Variants in CCDC178 observed in about 807,000 individuals in gnomAD.
The protein encoded by CCDC178 is coiled-coil domain-containing protein 178.
CCDC178 carries 126 observed loss-of-function variants against 117.4 expected under a neutral mutation model. The ratio of observed to expected loss-of-function variants is 1.07; its 90% confidence interval spans 0.93 to 1.24. The LOEUF is 1.24. CCDC178 is among the 50% of genes most tolerant of loss of function. The probability of loss-of-function intolerance (pLI) is 0.00; values close to 1 mark genes in which losing one functional copy is unlikely to be tolerated. For missense variants in CCDC178, 1,030 were observed against 986.9 expected (o/e 1.04, Z -0.59); for synonymous variants, 283 against 313.4 (o/e 0.90, Z 1.02).
intron 12 of CCDC178, among the ~76,000 whole-genome samples, chr18:33,281,426 T>C (rs912170116): frequency 3.9e-5 from 6 of 152,112 alleles, no homozygotes; most frequent in African/African-American, 1.4e-4. Flanking sequence ...CACTAAGAGT[T>C]ATTATGTAGT....
intron 3 of CCDC178, among the ~76,000 whole-genome samples, chr18:33,410,438 A>T (rs2063834409): frequency 6.6e-6 from 1 of 152,188 alleles, no homozygotes; most frequent in South Asian, 2.1e-4. Context: ...CTATAAATGA[A>T]AATGAAATAA....
chr18:33,241,986 CT>C (rs377626508), intron 15 of CCDC178, among the ~76,000 whole-genome samples: 58 of 151,904 alleles, frequency 3.8e-4, no homozygotes, highest in African/African-American at 1.4e-3. Flanking sequence ...AAGATCAAAG[CT>C]GTAGACATTA....
chr18:33,270,865 T>C (rs1437501371), intron 12 of CCDC178, among the ~76,000 whole-genome samples: 2 of 151,590 alleles, frequency 1.3e-5, no homozygotes, highest in Admixed American at 1.3e-4. Context: ...CTCTTCTTCA[T>C]TGCCTAATTT....
At chr18:33,105,656 G>T (rs2057695867) in intron 20 of CCDC178, among the ~76,000 whole-genome samples, 1 of 151,556 alleles carries the variant, frequency 6.6e-6, no homozygotes, top group African/African-American at 2.4e-5. Context: ...TAAAAACACA[G>T]AAATTTATCT....
At chr18:33,407,109 G>A (rs2063792090) in intron 3 of CCDC178, among the ~76,000 whole-genome samples, 1 of 152,080 alleles carries the variant, frequency 6.6e-6, no homozygotes, top group African/African-American at 2.4e-5. Context: ...CTTTAATCTG[G>A]AGCAGAGTAC....
chr18:32,983,342 A>G, intron 21 of CCDC178: 1 of 1,525,554 alleles, frequency 6.6e-7, no homozygotes. Context: ...CTTAGGTAAG[A>G]AGCCTGCAAC....
intron 19 of CCDC178, among the ~76,000 whole-genome samples, chr18:33,213,431 G>T (rs1287890458): frequency 6.6e-6 from 1 of 151,752 alleles, no homozygotes; most frequent in Non-Finnish European, 1.5e-5. Context: ...AAATTATTAA[G>T]TGATGTCTGA....
At chr18:33,369,900 C>A in intron 6 of CCDC178, 150 bp downstream of exon 6, 3 of 585,308 alleles carry the variant, frequency 5.1e-6, no homozygotes, top group Non-Finnish European at 8.3e-6. Context: ...CATGTCTAGA[C>A]TAGTAAATGA....
At chr18:33,410,311 TTG>T (rs980448539) in intron 3 of CCDC178, among the ~76,000 whole-genome samples, 1 of 152,202 alleles carries the variant, frequency 6.6e-6, no homozygotes, top group Non-Finnish European at 1.5e-5. Flanking sequence ...TCATTCCAAA[TTG>T]TGTTTTTGGG....
At chr18:33,144,621 C>T (rs2058248389) in intron 20 of CCDC178, among the ~76,000 whole-genome samples, 5 of 151,540 alleles carry the variant, frequency 3.3e-5, no homozygotes, top group Non-Finnish European at 5.9e-5. Flanking sequence ...TCATAATCTC[C>T]GTTCCTTATG....
At chr18:33,045,934 G>A (rs117568482) in intron 21 of CCDC178, among the ~76,000 whole-genome samples, 1,966 of 152,146 alleles carry the variant, frequency 0.013, 13 homozygotes, top group Admixed American at 0.021. Flanking sequence ...CAGGTGTGGT[G>A]GCACCCACCT....
chr18:33,042,461 G>A (rs1379574165), intron 21 of CCDC178, among the ~76,000 whole-genome samples: 1 of 151,874 alleles, frequency 6.6e-6, no homozygotes, highest in African/African-American at 2.4e-5. Context: ...AAAAGTCAAT[G>A]TATGTACATA....
At chr18:33,017,613 C>T (rs2056018773) in intron 21 of CCDC178, among the ~76,000 whole-genome samples, 1 of 151,832 alleles carries the variant, frequency 6.6e-6, no homozygotes, top group African/African-American at 2.4e-5. Context: ...TGTGGAAATA[C>T]AAAGGATTCA....
intron 2 of CCDC178, among the ~76,000 whole-genome samples, chr18:33,433,139 T>A (rs2064243872): frequency 6.6e-6 from 1 of 152,034 alleles, no homozygotes; most frequent in African/African-American, 2.4e-5. Flanking sequence ...GAGTATTGAG[T>A]TTTCCCACAG....
intron 9 of CCDC178, among the ~76,000 whole-genome samples, chr18:33,335,165 T>C (rs1186429858): frequency 6.6e-6 from 1 of 151,832 alleles, no homozygotes; most frequent in East Asian, 1.9e-4. Context: ...TCCTTCTTTC[T>C]TTGTATTTAT....
rs71159804 is a variant in CCDC178 at position 33,179,078 on chromosome 18, A to AAATATATAT, written c.2238+32817_2238+32818insATATATATT. ...ACTCAGTAAAAAAAAAAAAAAAAAA[A>AAATATATAT]ATATATATATATATATATATATATA... On this transcript the variant is annotated intron_variant, in intron 20 of 22. Transcript: ENST00000383096. 6.3e-4 allele frequency among the ~76,000 whole-genome samples: 35 copies of AAATATATAT among 55,818 alleles called. 1 individual carries two copies. Among genetic ancestry groups the AAATATATAT allele is most frequent in the African/African-American group, 1.6e-3 (14 of 8,840 alleles). 36.6% of individuals were successfully genotyped at this position (55,818 alleles called of 152,430 possible). A position where few individuals can be genotyped will look rare whatever the true frequency, so the allele number is the denominator to read the frequency against.
At chr18:33,028,224 TAAAAC>T (rs1422878811) in intron 21 of CCDC178, among the ~76,000 whole-genome samples, 3 of 151,526 alleles carry the variant, frequency 2.0e-5, no homozygotes, top group Non-Finnish European at 3.0e-5. Flanking sequence ...ATTAATAAAA[TAAAAC>T]AAAATAGGCA....
intron 21 of CCDC178, 51 bp downstream of exon 21, chr18:33,092,710 G>T: frequency 7.6e-7 from 1 of 1,311,202 alleles, no homozygotes; most frequent in South Asian, 1.4e-5. Context: ...TACTTTTGTA[G>T]TGCATATATG....
intron 21 of CCDC178, among the ~76,000 whole-genome samples, chr18:33,070,516 A>T (rs1270556901): frequency 6.6e-6 from 1 of 151,312 alleles, no homozygotes; most frequent in Non-Finnish European, 1.5e-5. Flanking sequence ...GAGGATGGAA[A>T]GGGTGAAGGT....
Sources: gnomAD v4.1 joint callset for allele counts (sites outside exome capture counted in the v4.1 genomes callset) on GRCh38, gnomAD v4.1.1 for gene constraint, MANE v1.5 for transcripts, NCBI Gene and HGNC (gene_info 2026-07-23, HGNC 2026-07-21) for gene names.